FAT3: variants seen among roughly 807,000 people sequenced by gnomAD.
FAT3 encodes FAT atypical cadherin 3, also known as protocadherin Fat 3.
In FAT3, 95 loss-of-function variants were observed where a neutral mutation model predicts 310.2. That is an observed-to-expected ratio of 0.31 (90% CI 0.26 to 0.36). FAT3 has a LOEUF of 0.36. Ranked by LOEUF, FAT3 falls within the 10% of genes least tolerant of loss-of-function variation. The probability of loss-of-function intolerance (pLI) is 1.00; values close to 1 mark genes in which losing one functional copy is unlikely to be tolerated. For synonymous variants in FAT3, 2,314 were observed against 2,192.9 expected (o/e 1.06, Z -1.54); for missense variants, 5,408 against 5,715.6 (o/e 0.95, Z 1.74).
chr11:92,464,199 T>G (rs1458434589), intron 2 of FAT3, among the ~76,000 whole-genome samples: 1 of 152,180 alleles, frequency 6.6e-6, no homozygotes, highest in Non-Finnish European at 1.5e-5. Context: ...GGATTGTCCT[T>G]TAACATTCCC....
chr11:92,357,142 C>T (rs1222766346), intron 2 of FAT3, among the ~76,000 whole-genome samples: 1 of 152,204 alleles, frequency 6.6e-6, no homozygotes, highest in East Asian at 1.9e-4. Context: ...AGTGCCTACT[C>T]TGTACTAATA....
At chr11:92,715,222 G>T (rs979742597) in intron 4 of FAT3, among the ~76,000 whole-genome samples, 3 of 150,358 alleles carry the variant, frequency 2.0e-5, no homozygotes, top group Non-Finnish European at 4.4e-5. Flanking sequence ...TGGCTAACAC[G>T]GTGAAAGCCC....
chr11:92,768,204 G>C (rs1019597953), intron 6 of FAT3, among the ~76,000 whole-genome samples: 1 of 152,108 alleles, frequency 6.6e-6, no homozygotes, highest in South Asian at 2.1e-4. Context: ...GGACCTACAG[G>C]GTTGTCCCTC....
At chr11:92,244,262 C>T (rs933915359) in intron 1 of FAT3, among the ~76,000 whole-genome samples, 1 of 152,080 alleles carries the variant, frequency 6.6e-6, no homozygotes, top group African/African-American at 2.4e-5. Flanking sequence ...TGGGCAGAAA[C>T]CCTTTCAGTC....
intron 3 of FAT3, among the ~76,000 whole-genome samples, chr11:92,641,686 T>C (rs905742448): frequency 6.6e-6 from 1 of 152,258 alleles, no homozygotes; most frequent in Non-Finnish European, 1.5e-5. Context: ...TCTTGAAGTC[T>C]TTAACCTAAT....
intron 3 of FAT3, among the ~76,000 whole-genome samples, chr11:92,564,060 C>A (rs1591455868): frequency 6.6e-6 from 1 of 152,086 alleles, no homozygotes; most frequent in Non-Finnish European, 1.5e-5. Flanking sequence ...TGTAAATGGA[C>A]TAAATGCTCC....
At chr11:92,298,054 A>C (rs2134416252) in intron 1 of FAT3, among the ~76,000 whole-genome samples, 1 of 152,106 alleles carries the variant, frequency 6.6e-6, no homozygotes, top group East Asian at 1.9e-4. Flanking sequence ...TGGTGAGGAC[A>C]TCCAGGATAA....
chr11:92,355,485 A>G, intron 2 of FAT3, 81 bp downstream of exon 2: 1 of 1,348,870 alleles, frequency 7.4e-7, no homozygotes, highest in South Asian at 1.4e-5. Context: ...GGATGTTAGG[A>G]CACTAAAATA....
At chr11:92,524,997 A>G (rs1156540947) in intron 3 of FAT3, 49 bp downstream of exon 3, 1 of 1,435,968 alleles carries the variant, frequency 7.0e-7, no homozygotes, top group African/African-American at 1.4e-5. Flanking sequence ...TCCAGCCTTT[A>G]AATTCATCAG....
At chr11:92,677,157 A>C (rs2135844860) in intron 3 of FAT3, among the ~76,000 whole-genome samples, 1 of 152,374 alleles carries the variant, frequency 6.6e-6, no homozygotes, top group Non-Finnish European at 1.5e-5. Context: ...TTAGATGTTT[A>C]GCCTTGTTCT....
intron 2 of FAT3, among the ~76,000 whole-genome samples, chr11:92,482,626 T>C (rs1021409916): frequency 6.6e-6 from 1 of 152,166 alleles, no homozygotes; most frequent in African/African-American, 2.4e-5. Context: ...ACATGCTTTC[T>C]CTTTTCTCAG....
intron 1 of FAT3, among the ~76,000 whole-genome samples, chr11:92,282,520 C>T (rs1946454967): frequency 6.6e-6 from 1 of 151,948 alleles, no homozygotes; most frequent in Middle Eastern, 3.2e-3. Context: ...ACAAAATCAG[C>T]TGGGTGTGGT....
chr11:92,707,599 C>G (rs1406186992), intron 4 of FAT3, among the ~76,000 whole-genome samples: 8 of 152,160 alleles, frequency 5.3e-5, no homozygotes, highest in Admixed American at 6.5e-5. Context: ...GAACTCCTGA[C>G]TGTGAATCCC....
chr11:92,450,196 G>A lies in FAT3; in HGVS notation c.3293-74438G>A, dbSNP rs147314949. On this transcript the variant is annotated intron_variant, in intron 2 of 27. Transcript: ENST00000525166. ...GTTTCATTCATTGCCTTCAGGCCCT[G>A]CTTCTAAAAATTTCTCCTTCTTTTA... Among the ~76,000 whole-genome samples, 336 of 152,288 alleles carry A rather than the reference G, an allele frequency of 2.2e-3. 3 individuals carry two copies. Among genetic ancestry groups the A allele is most frequent in the African/African-American group, 7.5e-3 (311 of 41,566 alleles).
intron 3 of FAT3, among the ~76,000 whole-genome samples, chr11:92,561,866 T>C (rs1192119154): frequency 6.6e-6 from 1 of 152,152 alleles, no homozygotes; most frequent in Non-Finnish European, 1.5e-5. Flanking sequence ...CCTCAAGTGA[T>C]CCACCCATCT....
At chr11:92,808,473 G>A (rs1035883347) in intron 12 of FAT3, among the ~76,000 whole-genome samples, 1 of 152,198 alleles carries the variant, frequency 6.6e-6, no homozygotes, top group Non-Finnish European at 1.5e-5. Context: ...ATATACAAAA[G>A]TGGAGGGAAA....
chr11:92,879,637 A>T (rs1465621802), intron 22 of FAT3, among the ~76,000 whole-genome samples: 2 of 152,232 alleles, frequency 1.3e-5, no homozygotes, highest in East Asian at 3.8e-4. Flanking sequence ...CACTGCATTG[A>T]CTTAACCAAA....
chr11:92,447,497 A>G (rs567743193), intron 2 of FAT3, among the ~76,000 whole-genome samples: 5 of 152,256 alleles, frequency 3.3e-5, no homozygotes, highest in African/African-American at 1.2e-4. Context: ...GAGCTAAGCA[A>G]TATTATAGTA....
intron 8 of FAT3, among the ~76,000 whole-genome samples, chr11:92,790,963 G>A (rs775208086): frequency 2.9e-4 from 44 of 152,166 alleles, no homozygotes; most frequent in Non-Finnish European, 4.4e-5. Flanking sequence ...AGACCAGGTA[G>A]AAGGACAGAC....
Sources: gnomAD v4.1 joint callset for allele counts (sites outside exome capture counted in the v4.1 genomes callset) on GRCh38, gnomAD v4.1.1 for gene constraint, MANE v1.5 for transcripts, NCBI Gene and HGNC (gene_info 2026-07-23, HGNC 2026-07-21) for gene names.